The following ZBTB25 variants were observed in gnomAD, a reference collection of about 807,000 sequenced individuals.
ZBTB25 encodes zinc finger and BTB domain-containing protein 25.
In ZBTB25, 20 loss-of-function variants were observed where a neutral mutation model predicts 34.2. The ratio of observed to expected loss-of-function variants is 0.58; its 90% CI spans 0.41 to 0.85. The LOEUF (loss-of-function observed/expected upper bound fraction) is 0.85. Ranked by LOEUF, ZBTB25 falls within the 40% of genes least tolerant of loss-of-function variation. ZBTB25 has a pLI of 0.00. For missense variants in ZBTB25, 437 were observed against 521.8 expected, an observed-to-expected ratio of 0.84 and a Z score of 1.58; for synonymous variants, 175 against 186.4, an observed-to-expected ratio of 0.94 and a Z score of 0.50.
At chr14:64,495,899 A>G (rs1284550411) in intron 1 of ZBTB25, among the ~76,000 whole-genome samples, 1 of 151,654 alleles carries the variant, frequency 6.6e-6, no homozygotes, top group Non-Finnish European at 1.5e-5. Flanking sequence ...AGGTTGCGGT[A>G]AGCTGAGATC....
At position 64,488,868 on chromosome 14, in the gene ZBTB25, T is replaced by G. The variant is rs77819860; in HGVS notation, c.174-811A>C. ...ACATTGCGAATGTGATTATCACCACTGCATTGTATAATTAAAAATGGTTAA... is the reference window on the plus strand; with the variant it reads ...ACATTGCGAATGTGATTATCACCACGGCATTGTATAATTAAAAATGGTTAA... On this transcript the variant is annotated intron_variant, in intron 2 of 2. Transcript: ENST00000608382. 4.3e-3 allele frequency among the ~76,000 whole-genome samples: 653 copies of G among 152,336 alleles called. 23 individuals carry two copies. In the East Asian group the frequency reaches 0.1, roughly 23 times the overall value.
rs1246653913 is a variant in ZBTB25 at position 64,478,637 on chromosome 14, T to C, written c.*8286A>G. Reference sequence around the variant, plus strand: ...TGCTCAATGTAGCACAATAATGTGATATTTTAAAAAGTTATCTGCTGAGAT... The same window carrying C: ...TGCTCAATGTAGCACAATAATGTGACATTTTAAAAAGTTATCTGCTGAGAT... On this transcript the variant is annotated 3_prime_UTR_variant, in exon 3 of 3. Transcript: ENST00000608382. 6.6e-6 allele frequency: 1 copy of C among 152,218 alleles called. No individual in the cohort carries two copies. Among genetic ancestry groups the C allele is most frequent in the African/African-American group, 2.4e-5 (1 of 41,456 alleles). 9.4% of individuals were successfully genotyped at this position (152,218 alleles called of 1,614,324 possible). A position where few individuals can be genotyped will look rare whatever the true frequency, so the allele number is the denominator to read the frequency against.
chr14:64,452,385 A>G lies in ZBTB25; in HGVS notation c.174-2747T>C, dbSNP rs1208723772. On this transcript the variant is annotated intron_variant, in intron 2 of 2. Transcript: ENST00000555220. ...CCTAATTTTTGTAATTTGCTCATCC[A>G]AATTACCCATGAGTAGCTTTGCTTC... Among the ~76,000 whole-genome samples the G allele has an allele frequency of 2.0e-5, 3 of 152,224 alleles. No individual in the cohort carries two copies. The East Asian group carries it at 5.8e-4, about 29-fold the overall frequency.
downstream of ZBTB25, chr14:64,474,104 T>TTTC (rs2078699810): frequency 6.0e-6 from 1 of 166,892 alleles, no homozygotes; most frequent in Non-Finnish European, 1.5e-5. Context: ...AGAAACCGGG[T>TTTC]TGGGTTAAGG....
At chr14:64,468,627 C>G (rs1235585934) in intron 2 of ZBTB25, 1 of 1,613,882 alleles carries the variant, frequency 6.2e-7, no homozygotes, top group Admixed American at 1.7e-5. Context: ...ACACGGGGGG[C>G]CTGGGCCTCA....
At position 64,487,991 on chromosome 14, in the gene ZBTB25, C is replaced by T. The variant is rs143894644; in HGVS notation, c.240G>A (p.Met80Ile). Residue 80 changes from methionine (M) to isoleucine (I), a missense_variant, in exon 3 of 3, where the codon ATG becomes ATA. Transcript: ENST00000608382. Reference sequence around the variant, plus strand: ...TCTGTTTTGGCCCTTTCCCCGTGTACATAATGTGCAACAAATAGCTGAATA... The same window carrying T: ...TCTGTTTTGGCCCTTTCCCCGTGTATATAATGTGCAACAAATAGCTGAATA... ...PDIFSYLLHIMYTGKGPKQIV... is the reference protein window; with the variant it reads ...PDIFSYLLHIIYTGKGPKQIV... 30 of 1,614,018 alleles carry T rather than the reference C, an allele frequency of 1.9e-5. No homozygotes were observed. The African/African-American group carries it at 3.6e-4, about 19-fold the overall frequency.
chr14:64,492,714 C>A (rs1473872305), intron 1 of ZBTB25, among the ~76,000 whole-genome samples: 4 of 152,006 alleles, frequency 2.6e-5, no homozygotes, highest in African/African-American at 9.7e-5. Flanking sequence ...TAATAAGCCA[C>A]CCATACAGGA....
intron 2 of ZBTB25, among the ~76,000 whole-genome samples, chr14:64,489,024 A>C (rs1283417070): frequency 6.6e-6 from 1 of 152,182 alleles, no homozygotes; most frequent in Non-Finnish European, 1.5e-5. Context: ...AGGCAGGTGG[A>C]TCATCTGAGG....
chr14:64,452,520 C>A (rs1029803163), intron 2 of ZBTB25, among the ~76,000 whole-genome samples: 14 of 152,290 alleles, frequency 9.2e-5, no homozygotes, highest in Admixed American at 9.2e-4. Flanking sequence ...AAGGCTTTGC[C>A]CCGGAGGAAA....
chr14:64,489,176 AGGC>A (rs2078984389), intron 2 of ZBTB25, among the ~76,000 whole-genome samples: 1 of 152,160 alleles, frequency 6.6e-6, no homozygotes, highest in South Asian at 2.1e-4. Flanking sequence ...TGAACCTGGG[AGGC>A]GGAGGTTGCA....
At position 64,485,567 on chromosome 14, in the gene ZBTB25, G is replaced by C. The variant is rs2078849206; in HGVS notation, c.*1356C>G. 1.0e-6 allele frequency: 1 copy of C among 985,262 alleles called. No individual in the cohort carries two copies. The highest frequency in any genetic ancestry group is 1.2e-6 in the Non-Finnish European group (1 of 829,828). The allele number at this position is 985,262 out of a possible 1,614,324, so 61.0% of individuals were successfully genotyped here. A position where few individuals can be genotyped will look rare whatever the true frequency, so the allele number is the denominator to read the frequency against. On this transcript the variant is annotated 3_prime_UTR_variant, in exon 3 of 3. Transcript: ENST00000608382. The stretch of plus-strand genomic sequence containing the variant: ...TTGTAAGTGTCACCATTATAAAAGA[G>C]AGTTAAGTTGATTTATAGAGGAAAA...
intron 1 of ZBTB25, among the ~76,000 whole-genome samples, chr14:64,492,816 TA>T (rs1367052809): frequency 2.0e-5 from 3 of 152,110 alleles, no homozygotes; most frequent in Non-Finnish European, 4.4e-5. Flanking sequence ...AAAAAATGTG[TA>T]AAAGCCTGCA....
At chr14:64,498,776 G>A (rs1280021409) in intron 1 of ZBTB25, among the ~76,000 whole-genome samples, 1 of 152,062 alleles carries the variant, frequency 6.6e-6, no homozygotes, top group East Asian at 1.9e-4. Flanking sequence ...TGGGACTACA[G>A]GCGCCCACCA....
chr14:64,488,676 G>T (rs958830697), intron 2 of ZBTB25, among the ~76,000 whole-genome samples: 2 of 152,150 alleles, frequency 1.3e-5, no homozygotes, highest in Admixed American at 1.3e-4. Context: ...AAAAGGACAA[G>T]TATTATATAA....
At chr14:64,490,588 G>A (rs924000658) in intron 1 of ZBTB25, 48 bp from the exon 2 acceptor site, 30 of 1,421,170 alleles carry the variant, frequency 2.1e-5, no homozygotes, top group Middle Eastern at 1.9e-4. Flanking sequence ...ATGTATATAC[G>A]CATTATTTTT....
intron 2 of ZBTB25, chr14:64,458,185 T>C: frequency 6.6e-7 from 1 of 1,514,776 alleles, no homozygotes; most frequent in Non-Finnish European, 9.2e-7. Context: ...CCAGCATTAG[T>C]TTATTTGTAA....
chr14:64,488,082 C>T, intron 2 of ZBTB25, 25 bp from the exon 3 acceptor site: 2 of 1,598,890 alleles, frequency 1.3e-6, no homozygotes, highest in Non-Finnish European at 1.7e-6. Flanking sequence ...AACAGACCCA[C>T]AAGAAATGAA....
chr14:64,452,885 T>C (rs887503079), intron 2 of ZBTB25, among the ~76,000 whole-genome samples: 1 of 151,960 alleles, frequency 6.6e-6, no homozygotes, highest in African/African-American at 2.4e-5. Flanking sequence ...ATTATTATTT[T>C]AAAATTTTTA....
At chr14:64,489,370 T>C (rs2078994080) in intron 2 of ZBTB25, among the ~76,000 whole-genome samples, 1 of 152,194 alleles carries the variant, frequency 6.6e-6, no homozygotes, top group South Asian at 2.1e-4. Flanking sequence ...CAGACAAATC[T>C]GCATCTAACT....
Sources: gnomAD v4.1 joint callset for allele counts (sites outside exome capture counted in the v4.1 genomes callset) on GRCh38, gnomAD v4.1.1 for gene constraint, MANE v1.5 for transcripts, NCBI Gene and HGNC (gene_info 2026-07-23, HGNC 2026-07-21) for gene names.